CEP112: variants seen among roughly 807,000 people sequenced by gnomAD.
The protein encoded by CEP112 is centrosomal protein 112, also known as centrosomal protein of 112 kDa.
In CEP112, 127 loss-of-function variants were observed where a neutral mutation model predicts 153.0. The observed-to-expected ratio is 0.83, with a 90% CI of 0.72 to 0.96. CEP112 has a LOEUF of 0.96. Among genes scored for constraint, CEP112 ranks in the 40% least tolerant of loss-of-function variants. CEP112 has a pLI of 0.00. For synonymous variants in CEP112, 358 were observed against 374.4 expected (o/e 0.96, Z 0.51); for missense variants, 1,089 against 1,101.2 (o/e 0.99, Z 0.16).
intron 20 of CEP112, among the ~76,000 whole-genome samples, chr17:65,884,611 A>G (rs980801067): frequency 2.0e-5 from 3 of 152,110 alleles, no homozygotes; most frequent in African/African-American, 7.2e-5. Context: ...ACAGTCATCT[A>G]TAGGACTTTT....
chr17:65,745,731 T>C (rs1207510602), intron 22 of CEP112, among the ~76,000 whole-genome samples: 1 of 152,156 alleles, frequency 6.6e-6, no homozygotes, highest in Non-Finnish European at 1.5e-5. Context: ...TAGATTCATA[T>C]ATCCACAACT....
chr17:65,921,619 C>G (rs2060730354), intron 19 of CEP112, among the ~76,000 whole-genome samples: 1 of 152,060 alleles, frequency 6.6e-6, no homozygotes, highest in Non-Finnish European at 1.5e-5. Flanking sequence ...CAGGTGAAAT[C>G]TGCACCCACC....
chr17:66,007,642 TAC>T (rs1288263149), intron 16 of CEP112, among the ~76,000 whole-genome samples: 2 of 152,184 alleles, frequency 1.3e-5, no homozygotes, highest in African/African-American at 4.8e-5. Flanking sequence ...AACATGTTTT[TAC>T]ATCAGTAAAA....
intron 4 of CEP112, among the ~76,000 whole-genome samples, chr17:66,137,750 C>T (rs1378070864): frequency 4.6e-5 from 7 of 151,968 alleles, no homozygotes; most frequent in Non-Finnish European, 8.8e-5. Context: ...AAGAGAGATA[C>T]GGTCCCAGAT....
chr17:66,064,508 T>C (rs2067042950), intron 10 of CEP112, among the ~76,000 whole-genome samples: 2 of 152,198 alleles, frequency 1.3e-5, no homozygotes. Context: ...TATAATCTTA[T>C]CATAGCTTAC....
chr17:65,652,601 A>C (rs2045841089), intron 24 of CEP112, among the ~76,000 whole-genome samples: 1 of 152,180 alleles, frequency 6.6e-6, no homozygotes, highest in Admixed American at 6.5e-5. Context: ...AAATCCTTAT[A>C]GCAAGTTATT....
chr17:65,920,391 A>T (rs1836331354), intron 19 of CEP112, among the ~76,000 whole-genome samples: 2 of 112,662 alleles, frequency 1.8e-5, no homozygotes, highest in Non-Finnish European at 3.6e-5. Context: ...ATATATATAT[A>T]TATATATATA....
chr17:65,881,489 A>G (rs926301031), intron 20 of CEP112, among the ~76,000 whole-genome samples: 2 of 152,080 alleles, frequency 1.3e-5, no homozygotes, highest in Non-Finnish European at 2.9e-5. Context: ...TCAAACAACC[A>G]TCTTATTATT....
intron 16 of CEP112, among the ~76,000 whole-genome samples, chr17:66,006,032 A>G (rs1019067134): frequency 6.6e-6 from 1 of 152,212 alleles, no homozygotes; most frequent in Non-Finnish European, 1.5e-5. Flanking sequence ...AAAATAAAAA[A>G]TGGAATACTT....
At chr17:65,913,330 C>G (rs1598987622) in intron 19 of CEP112, 1 of 185,300 alleles carries the variant, frequency 5.4e-6, no homozygotes, top group African/African-American at 2.4e-5. Context: ...CTATTGGATA[C>G]TTCACTATAT....
intron 12 of CEP112, among the ~76,000 whole-genome samples, chr17:66,050,553 T>C (rs1374839231): frequency 6.6e-6 from 1 of 152,210 alleles, no homozygotes. Flanking sequence ...AAAGATTTGG[T>C]CATTTTTTAT....
intron 17 of CEP112, among the ~76,000 whole-genome samples, chr17:65,970,255 T>C (rs2062631442): frequency 6.6e-6 from 1 of 152,042 alleles, no homozygotes; most frequent in Admixed American, 6.5e-5. Context: ...ACATGCATGT[T>C]GCACACATAT....
chr17:65,756,459 A>G (rs1276326713), intron 21 of CEP112, among the ~76,000 whole-genome samples: 5 of 147,926 alleles, frequency 3.4e-5, no homozygotes, highest in Non-Finnish European at 6.0e-5. Context: ...CGGAATCTTG[A>G]GCCAACTGAA....
At chr17:65,906,267 G>GT (rs888636218) in intron 19 of CEP112, among the ~76,000 whole-genome samples, 1 of 151,774 alleles carries the variant, frequency 6.6e-6, no homozygotes, top group African/African-American at 2.4e-5. Flanking sequence ...GGGCCTGTCG[G>GT]GGGGGTAGGG....
intron 21 of CEP112, among the ~76,000 whole-genome samples, chr17:65,763,602 T>C (rs1263309659): frequency 6.6e-6 from 1 of 152,096 alleles, no homozygotes; most frequent in Non-Finnish European, 1.5e-5. Flanking sequence ...AGTCTACTGA[T>C]GAGTCTATCA....
intron 16 of CEP112, among the ~76,000 whole-genome samples, chr17:66,022,627 T>C (rs2145635512): frequency 7.0e-6 from 1 of 143,202 alleles, no homozygotes; most frequent in East Asian, 2.1e-4. Flanking sequence ...GAGAAGGGCA[T>C]GAACCTGGGA....
intron 4 of CEP112, among the ~76,000 whole-genome samples, chr17:66,162,575 C>A (rs984677063): frequency 5.3e-5 from 8 of 152,104 alleles, no homozygotes; most frequent in Non-Finnish European, 8.8e-5. Context: ...GTGATATATT[C>A]ATACAATAAT....
intron 17 of CEP112, among the ~76,000 whole-genome samples, chr17:65,997,459 C>T (rs2063831498): frequency 6.6e-6 from 1 of 152,068 alleles, no homozygotes; most frequent in Non-Finnish European, 1.5e-5. Flanking sequence ...TTTCCAGAAA[C>T]CTGGTTTACA....
At chr17:65,906,022 C>T (rs887322673) in intron 19 of CEP112, among the ~76,000 whole-genome samples, 1 of 151,868 alleles carries the variant, frequency 6.6e-6, no homozygotes, top group Non-Finnish European at 1.5e-5. Context: ...GAAACTCACT[C>T]AAATGCCCAC....
Sources: allele counts gnomAD v4.1 joint callset (sites outside exome capture counted in the v4.1 genomes callset), GRCh38; gene constraint gnomAD v4.1.1; transcripts MANE v1.5; gene names NCBI Gene and HGNC (gene_info 2026-07-23, HGNC 2026-07-21).